The following TET3 variants were observed in gnomAD, a reference collection of about 807,000 sequenced individuals.
TET3 encodes the protein tet methylcytosine dioxygenase 3, also known as methylcytosine dioxygenase TET3.
A neutral mutation model predicts 141.4 loss-of-function variants in TET3; 19 were observed. That is an observed-to-expected ratio of 0.13 (90% CI 0.09 to 0.20). The LOEUF (loss-of-function observed/expected upper bound fraction) is 0.20, where lower values mean the gene tolerates loss of function less well. Ranked by LOEUF, TET3 falls within the 10% of genes least tolerant of loss-of-function variation. TET3 has a pLI of 1.00. For missense variants in TET3, 1,874 were observed against 2,356.9 expected (o/e 0.80, Z 4.24); for synonymous variants, 1,043 against 980.9 (o/e 1.06, Z -1.18).
the TET3 span, among the ~76,000 whole-genome samples, chr2:74,125,196 G>A: frequency 6.6e-6 from 1 of 152,160 alleles, no homozygotes; most frequent in Admixed American, 6.5e-5. Context: ...TGGCCAGGCT[G>A]TTCTCGAACT....
the TET3 span, among the ~76,000 whole-genome samples, chr2:74,124,871 C>G: frequency 1.3e-5 from 2 of 150,492 alleles, no homozygotes; most frequent in African/African-American, 2.5e-5. Context: ...CACTATTGTC[C>G]TATGACCCTG....
intron 3 of TET3, among the ~76,000 whole-genome samples, chr2:74,045,073 A>T (rs542767713): frequency 6.6e-6 from 1 of 152,268 alleles, no homozygotes; most frequent in South Asian, 2.1e-4. Context: ...ACGCCCTTCA[A>T]TTTGGGTTTG....
At chr2:74,068,667 A>C (rs183073957) in intron 4 of TET3, among the ~76,000 whole-genome samples, 65 of 152,306 alleles carry the variant, frequency 4.3e-4, no homozygotes, top group Non-Finnish European at 6.3e-4. Flanking sequence ...ATTCAAACAG[A>C]TTGTGCATTT....
chr2:74,084,102 C>A (rs1181647880), intron 6 of TET3, among the ~76,000 whole-genome samples: 1 of 152,192 alleles, frequency 6.6e-6, no homozygotes, highest in African/African-American at 2.4e-5. Flanking sequence ...AAGAATAATA[C>A]AATTGATGCT....
At chr2:74,084,087 A>C (rs943823066) in intron 6 of TET3, among the ~76,000 whole-genome samples, 2 of 152,236 alleles carry the variant, frequency 1.3e-5, no homozygotes, top group African/African-American at 2.4e-5. Context: ...AAATACACAT[A>C]TCAAAAGAAT....
chr2:73,984,584 G>A (rs1197446711), upstream of TET3, among the ~76,000 whole-genome samples: 2 of 151,858 alleles, frequency 1.3e-5, no homozygotes, highest in Non-Finnish European at 2.9e-5. This position sits in a 1 kb window ranked among gnomAD's most constrained non-coding sequence, Gnocchi z 5.6. Flanking sequence ...TGGAAGGTCC[G>A]CGTGCCCCAC....
chr2:73,988,692 TTGG>T (rs1334954684), intron 2 of TET3, among the ~76,000 whole-genome samples: 2 of 152,138 alleles, frequency 1.3e-5, no homozygotes, highest in African/African-American at 4.8e-5. Flanking sequence ...CTGGACAGCC[TTGG>T]GTGTCCGAGG....
the TET3 span, among the ~76,000 whole-genome samples, chr2:74,125,387 C>T: frequency 1.3e-5 from 2 of 152,302 alleles, no homozygotes; most frequent in East Asian, 3.9e-4. Context: ...GTACAATACA[C>T]GTTTTCAGAC....
At chr2:74,112,011 GA>G (rs886556176), downstream of TET3, among the ~76,000 whole-genome samples, 1 of 152,116 alleles carries the variant, frequency 6.6e-6, no homozygotes, top group Non-Finnish European at 1.5e-5. Flanking sequence ...ATTGTTATTT[GA>G]AAGACTTCAA....
chr2:74,061,273 C>T (rs1394448082), intron 4 of TET3, among the ~76,000 whole-genome samples: 1 of 131,114 alleles, frequency 7.6e-6, no homozygotes, highest in African/African-American at 2.9e-5. Flanking sequence ...CCGGATGGGG[C>T]GGCTGGCCAG....
At chr2:74,002,826 G>A in intron 2 of TET3, 2 of 571,034 alleles carry the variant, frequency 3.5e-6, no homozygotes, top group Admixed American at 6.2e-5. Context: ...GCCGGGGATG[G>A]CCGGGCGGAC....
chr2:74,107,300 G>C lies in TET3; in HGVS notation c.*5124G>C, dbSNP rs1472036403. 1 of 152,242 alleles carries C rather than the reference G, an allele frequency of 6.6e-6. No individual in the cohort carries two copies. The highest frequency in any genetic ancestry group is 2.1e-4 in the South Asian group (1 of 4,834). The allele number at this position is 152,242 out of a possible 1,614,324, so 9.4% of individuals were successfully genotyped here. A position where few individuals can be genotyped will look rare whatever the true frequency, so the allele number is the denominator to read the frequency against. On this transcript the variant is annotated 3_prime_UTR_variant, in exon 12 of 12. Coordinates refer to ENST00000409262, the MANE Select transcript of TET3 (RefSeq NM_001287491.2). ...AGAGACCGCAGCACAGAAATGCAAGGTCTAAAGTTGCTTTTTGCCTAAGAA... is the reference window on the plus strand; with the variant it reads ...AGAGACCGCAGCACAGAAATGCAAGCTCTAAAGTTGCTTTTTGCCTAAGAA...
At chr2:74,084,934 CAA>C (rs926306127) in intron 6 of TET3, among the ~76,000 whole-genome samples, 1 of 148,872 alleles carries the variant, frequency 6.7e-6, no homozygotes, top group Non-Finnish European at 1.5e-5. Context: ...GACTCGGTCT[CAA>C]AAAAAAAGAG....
downstream of TET3, among the ~76,000 whole-genome samples, chr2:74,111,143 C>T (rs1174727859): frequency 6.6e-6 from 1 of 152,216 alleles, no homozygotes; most frequent in Non-Finnish European, 1.5e-5. Flanking sequence ...TCCCAGGACC[C>T]TGCCCCCTTT....
At chr2:74,036,708 A>T (rs1049127421) in intron 3 of TET3, among the ~76,000 whole-genome samples, 1 of 152,206 alleles carries the variant, frequency 6.6e-6, no homozygotes, top group Non-Finnish European at 1.5e-5. Context: ...AATTTGCATG[A>T]TACTCTGCCT....
At chr2:74,039,090 G>A (rs1025115777) in intron 3 of TET3, among the ~76,000 whole-genome samples, 1 of 152,180 alleles carries the variant, frequency 6.6e-6, no homozygotes, top group Non-Finnish European at 1.5e-5. Context: ...TCTTCTGCAA[G>A]ATGCCTGAAT....
intron 2 of TET3, 76 bp from the exon 3 acceptor site, chr2:74,003,033 TG>T (rs1684947165): frequency 2.0e-6 from 3 of 1,500,588 alleles, no homozygotes; most frequent in Non-Finnish European, 2.7e-6. Context: ...CCGGCCGGGC[TG>T]GGGGCTGTAG....
chr2:74,093,532 A>G lies in TET3; in HGVS notation c.3133A>G (p.Thr1045Ala). Residue 1045 changes from threonine to alanine, a missense_variant, in exon 10 of 12, where the codon ACC becomes GCC. Transcript: ENST00000409262. This position sits in a 1 kb window ranked among gnomAD's most constrained non-coding sequence, Gnocchi z 4.2. Reference sequence around the variant, plus strand: ...CTCTCCTTGGCTGTCTACACAGGTGACCAACGAGGAAATAGCGATTGACTG... The same window carrying G: ...CTCTCCTTGGCTGTCTACACAGGTGGCCAACGAGGAAATAGCGATTGACTG... ...LAPQAYQNQVTNEEIAIDCRL... is the reference protein window; with the variant it reads ...LAPQAYQNQVANEEIAIDCRL... 1 of 1,607,554 alleles carries G rather than the reference A, an allele frequency of 6.2e-7. No homozygotes were observed. Among genetic ancestry groups the G allele is most frequent in the South Asian group, 1.1e-5 (1 of 90,214 alleles).
chr2:74,021,342 T>G (rs1686033403), intron 3 of TET3, among the ~76,000 whole-genome samples: 1 of 152,246 alleles, frequency 6.6e-6, no homozygotes, highest in South Asian at 2.1e-4. Flanking sequence ...GAGCGCATTC[T>G]GGCAGTGAGG....
Sources: allele counts gnomAD v4.1 joint callset (sites outside exome capture counted in the v4.1 genomes callset), GRCh38; gene constraint gnomAD v4.1.1; non-coding constraint Gnocchi (gnomAD v3.1); transcripts MANE v1.5; gene names NCBI Gene and HGNC (gene_info 2026-07-23, HGNC 2026-07-21).